ADCY10: variants seen among roughly 807,000 people sequenced by gnomAD.
ADCY10 encodes adenylate cyclase type 10.
ADCY10 carries 156 observed loss-of-function variants against 183.3 expected under a neutral mutation model. The observed-to-expected ratio is 0.85, with a 90% CI of 0.75 to 0.97. ADCY10 has a LOEUF of 0.97. Among genes scored for constraint, ADCY10 ranks in the 50% least tolerant of loss-of-function variants. The pLI is 0.00. For synonymous variants in ADCY10, 645 were observed against 670.0 expected, an observed-to-expected ratio of 0.96 and a Z score of 0.58; for missense variants, 1,745 against 1,934.3, an observed-to-expected ratio of 0.90 and a Z score of 1.84.
Position 167,870,381 on chromosome 1 carries a change from A to C in ADCY10, c.1492T>G (p.Tyr498Asp). Residue 498 changes from tyrosine to aspartate, a missense_variant, in exon 14 of 33, where the codon TAT becomes GAT. Coordinates refer to ENST00000367851, the MANE Select transcript of ADCY10 (RefSeq NM_018417.6). ...GATATCAAAAATTTCTTCATAGTAT[A>C]CATGAAGTAGTTGATCTCTTTATTA... ...GRNKEINYFM[Y>D]TMKKFLISNS... The C allele has an allele frequency of 1.2e-6, 2 of 1,610,882 alleles. No individual in the cohort carries two copies. Among genetic ancestry groups the C allele is most frequent in the Non-Finnish European group, 1.7e-6 (2 of 1,177,114 alleles).
intron 7 of ADCY10, 119 bp downstream of exon 7, chr1:167,896,476 G>T (rs1668981448): frequency 1.2e-6 from 1 of 830,626 alleles, no homozygotes; most frequent in African/African-American, 1.7e-5. Flanking sequence ...TTGTGTGCTG[G>T]TAAGGACCAG....
chr1:167,842,085 A>C (rs1558173065), intron 21 of ADCY10, among the ~76,000 whole-genome samples: 1 of 152,200 alleles, frequency 6.6e-6, no homozygotes, highest in Non-Finnish European at 1.5e-5. Flanking sequence ...GGATCAAAAG[A>C]GAATTGAAAG....
intron 2 of ADCY10, among the ~76,000 whole-genome samples, 166 bp from the exon 3 acceptor site, chr1:167,904,157 A>G (rs554148789): frequency 1.4e-5 from 2 of 140,968 alleles, no homozygotes; most frequent in Admixed American, 7.9e-5. Context: ...GTGTGATCTC[A>G]GCTCACTGCA....
intron 7 of ADCY10, among the ~76,000 whole-genome samples, chr1:167,895,367 C>A (rs1332366664): frequency 3.3e-5 from 5 of 152,048 alleles, no homozygotes; most frequent in African/African-American, 1.2e-4. Flanking sequence ...CTTTCCTGAT[C>A]AATGTTTGTA....
At chr1:167,880,964 G>C (rs1667835190) in intron 9 of ADCY10, among the ~76,000 whole-genome samples, 1 of 152,116 alleles carries the variant, frequency 6.6e-6, no homozygotes, top group Non-Finnish European at 1.5e-5. Context: ...ACCAGCTCTG[G>C]AATCAGAAAG....
rs763532369 is a variant in ADCY10 at position 167,832,993 on chromosome 1, G to T, written c.3587C>A (p.Pro1196His). The T allele has an allele frequency of 5.6e-6, 9 of 1,613,744 alleles. No individual in the cohort carries two copies. In the African/African-American group the frequency reaches 1.2e-4, roughly 22 times the overall value. Residue 1196 changes from proline (P) to histidine (H), a missense_variant, in exon 25 of 33, where the codon CCT becomes CAT. Transcript: ENST00000367851. ...YVNRQAQESP[P>H]PGKKRLAQLY... ...CCCCAGCTCCTTCCCTTACCCTGGA[G>T]GTGGGCTCTCTTGGGCCTGCCGATT...
chr1:167,834,100 A>C (rs1479179529), intron 23 of ADCY10, 23 bp from the exon 24 acceptor site: 13 of 1,577,376 alleles, frequency 8.2e-6, no homozygotes, highest in Non-Finnish European at 1.1e-5. Context: ...CAAGGAGTAG[A>C]AAAGTGTTGA....
At position 167,846,383 on chromosome 1, in the gene ADCY10, G is replaced by A; in HGVS notation, c.2438-120C>T. 3 of 1,230,848 alleles carry A rather than the reference G, an allele frequency of 2.4e-6. No individual in the cohort carries two copies. In the South Asian group the frequency reaches 3.7e-5, roughly 15 times the overall value. The allele number at this position is 1,230,848 out of a possible 1,614,324, so 76.2% of individuals were successfully genotyped here. A position where few individuals can be genotyped will look rare whatever the true frequency, so the allele number is the denominator to read the frequency against. ...TACAGTTCTTGTTGCAAGAAACTCA[G>A]CCAAGCTAAGTCAAAAGAAGTATTT... On this transcript the variant is annotated intron_variant, in intron 19 of 32. Coordinates refer to ENST00000367851, the MANE Select transcript of ADCY10 (RefSeq NM_018417.6).
At chr1:167,884,111 A>G (rs2102277794) in intron 8 of ADCY10, among the ~76,000 whole-genome samples, 1 of 152,300 alleles carries the variant, frequency 6.6e-6, no homozygotes, top group East Asian at 1.9e-4. Flanking sequence ...AAACAATCCA[A>G]TTATACTCTT....
At chr1:167,861,185 C>T (rs910902187) in intron 14 of ADCY10, 122 bp from the exon 15 acceptor site, 84 of 852,444 alleles carry the variant, frequency 9.9e-5, no homozygotes, top group Admixed American at 7.3e-4. Flanking sequence ...ATTTTCCAAG[C>T]TATCTCGCAA....
chr1:167,813,199 GA>G (rs1250821441), intron 31 of ADCY10, among the ~76,000 whole-genome samples: 1 of 152,064 alleles, frequency 6.6e-6, no homozygotes, highest in Non-Finnish European at 1.5e-5. Context: ...TACACACTGA[GA>G]CAAATATAAT....
At chr1:167,903,128 C>T (rs141654484) in intron 3 of ADCY10, among the ~76,000 whole-genome samples, 5,554 of 151,578 alleles carry the variant, frequency 0.037, 220 homozygotes, top group African/African-American at 0.1. Context: ...TGGTGGCGCA[C>T]GCCTGTAACC....
chr1:167,859,185 T>C (rs1271867552), intron 16 of ADCY10, among the ~76,000 whole-genome samples: 5 of 152,274 alleles, frequency 3.3e-5, no homozygotes, highest in African/African-American at 1.2e-4. Flanking sequence ...TATACAAGGC[T>C]CTTAGGAATA....
rs1305332316 is a variant in ADCY10 at position 167,833,049 on chromosome 1, A to G, written c.3531T>C (p.His1177=). ...YNLISLFLHI[H]VEKNRHFHYV... ...AATGAAAGTGTCTGTTTTTCTCGAC[A>G]TGGATATGGAGAAACAAGGAGATTA... Residue 1177 remains histidine (H), a synonymous_variant, in exon 25 of 33, where the codon CAT becomes CAC. Coordinates refer to ENST00000367851, the MANE Select transcript of ADCY10 (RefSeq NM_018417.6). 1.9e-6 allele frequency: 3 copies of G among 1,614,186 alleles called. No individual in the cohort carries two copies. Among genetic ancestry groups the G allele is most frequent in the Middle Eastern group, 1.6e-4 (1 of 6,062 alleles).
chr1:167,836,575 TA>T, intron 22 of ADCY10, 35 bp from the exon 23 acceptor site: 1 of 1,383,238 alleles, frequency 7.2e-7, no homozygotes, highest in Non-Finnish European at 1.0e-6. Context: ...TAGTAACTTA[TA>T]CAGTATCACT....
chr1:167,861,035 T>C lies in ADCY10; in HGVS notation c.1645A>G (p.Ser549Gly). Residue 549 changes from serine to glycine, a missense_variant, in exon 15 of 33, where the codon AGC becomes GGC. Coordinates refer to ENST00000367851, the MANE Select transcript of ADCY10 (RefSeq NM_018417.6). ...ATGGTATAGAAAGTTTGATGGAAGC[T>C]GATCTTATTCAATGAAATGGCAATA... ...RIIAISLNKI[S>G]FHQTFYTIQM... 1 of 1,614,172 alleles carries C rather than the reference T, an allele frequency of 6.2e-7. No individual in the cohort carries two copies. Among genetic ancestry groups the C allele is most frequent in the Non-Finnish European group, 8.5e-7 (1 of 1,180,002 alleles).
At chr1:167,840,943 T>G (rs1664585706) in intron 21 of ADCY10, among the ~76,000 whole-genome samples, 1 of 111,950 alleles carries the variant, frequency 8.9e-6, no homozygotes, top group African/African-American at 6.1e-5. Flanking sequence ...TAAAATGATT[T>G]TTTTTTTTTT....
intron 31 of ADCY10, 131 bp from the exon 32 acceptor site, chr1:167,811,044 G>A (rs954775884): frequency 2.4e-6 from 2 of 822,172 alleles, no homozygotes; most frequent in South Asian, 1.6e-5. Context: ...ACATTATAGA[G>A]ACATACACAG....
intron 24 of ADCY10, 50 bp downstream of exon 24, chr1:167,833,920 A>C (rs776047600): frequency 3.0e-4 from 383 of 1,270,712 alleles, no homozygotes; most frequent in Non-Finnish European, 4.0e-4. Context: ...CTTCTATGGA[A>C]AGGCCTAAGA....
Sources: gnomAD v4.1 joint callset for allele counts (sites outside exome capture counted in the v4.1 genomes callset) on GRCh38, gnomAD v4.1.1 for gene constraint, MANE v1.5 for transcripts, NCBI Gene and HGNC (gene_info 2026-07-23, HGNC 2026-07-21) for gene names.